Variants in EPHB2 observed in about 807,000 individuals in gnomAD.
The protein encoded by EPHB2 is EPH receptor B2.
In EPHB2, 18 loss-of-function variants were observed where a neutral mutation model predicts 96.4. The ratio of observed to expected loss-of-function variants is 0.19; its 90% CI spans 0.13 to 0.28. The LOEUF (loss-of-function observed/expected upper bound fraction) is 0.28. Among genes scored for constraint, EPHB2 ranks in the 10% least tolerant of loss-of-function variants. The pLI, the probability that EPHB2 is intolerant of heterozygous loss-of-function variation, is 1.00. For missense variants in EPHB2, 989 were observed against 1,355.4 expected, an observed-to-expected ratio of 0.73 and a Z score of 4.25; for synonymous variants, 506 against 534.1, an observed-to-expected ratio of 0.95 and a Z score of 0.72.
In EPHB2 at chr1:22,863,094, C is replaced by T; in HGVS notation, c.869C>T (p.Pro290Leu). ...NQGDEACTHC[P>L]INSRTTSEGA... ...GGGGATGAGGCCTGTACCCACTGTC[C>T]CATCAACAGCCGGACCACTTCTGAA... Residue 290 changes from proline to leucine, a missense_variant, in exon 4 of 16, where the codon CCC becomes CTC. Transcript: ENST00000374630. 1 of 1,614,182 alleles carries T rather than the reference C, an allele frequency of 6.2e-7. No homozygotes were observed. The highest frequency in any genetic ancestry group is 1.6e-4 in the Middle Eastern group (1 of 6,062).
intron 1 of EPHB2, among the ~76,000 whole-genome samples, chr1:22,763,852 C>T (rs1407044103): frequency 6.6e-6 from 1 of 152,152 alleles, no homozygotes; most frequent in Non-Finnish European, 1.5e-5. Context: ...TGTCCTTGCC[C>T]TTTCTAGAGA....
intron 5 of EPHB2, among the ~76,000 whole-genome samples, chr1:22,867,247 T>C (rs1449399190): frequency 6.6e-6 from 1 of 152,228 alleles, no homozygotes; most frequent in East Asian, 1.9e-4. Context: ...TTGGTGAACA[T>C]GTGTTTACAA....
Position 22,906,099 on chromosome 1 carries a change from G to T in EPHB2, c.1878G>T (p.Val626=). Residue 626 remains valine (V), a synonymous_variant, in exon 10 of 16, where the codon GTG becomes GTT. Coordinates refer to ENST00000374630, the MANE Select transcript of EPHB2 (RefSeq NM_017449.5). This position sits in a 1 kb window ranked among gnomAD's most constrained non-coding sequence, Gnocchi z 4.8. ...IDISCVKIEQ[V]IGAGEFGEVC... is the part of the protein sequence containing the mutation. ...TCTCCTGTGTCAAAATTGAGCAGGT[G>T]ATCGGAGCAGGTAGGTGGCTGGTAC... The T allele has an allele frequency of 1.2e-6, 2 of 1,614,208 alleles. No homozygotes were observed. The highest frequency in any genetic ancestry group is 1.7e-6 in the Non-Finnish European group (2 of 1,180,042).
At chr1:22,895,618 C>T in intron 8 of EPHB2, 38 bp downstream of exon 8, 1 of 1,568,488 alleles carries the variant, frequency 6.4e-7, no homozygotes, top group Non-Finnish European at 8.8e-7. Context: ...GCCTGGCTGT[C>T]CCAGATGGCT....
rs58906622 is a variant in EPHB2, at chr1:22,910,618, T to TGCCCCAGCCAGG, written c.2696+43_2696+44insGCCCCAGCCAGG. ...CCCTGCCCCAGCCAGGCCCTGCCCC[T>TGCCCCAGCCAGG]CTTCCCGTCTCCCATCCCTTCTGCC... is the stretch of plus-strand genomic sequence containing the variant. On this transcript the variant is annotated intron_variant, in intron 14 of 15. Coordinates refer to ENST00000374630, the MANE Select transcript of EPHB2 (RefSeq NM_017449.5). 5 of 1,605,570 alleles carry TGCCCCAGCCAGG rather than the reference T, an allele frequency of 3.1e-6. No homozygotes were observed. In the African/African-American group the frequency reaches 5.4e-5, roughly 17 times the overall value.
intron 1 of EPHB2, among the ~76,000 whole-genome samples, chr1:22,771,459 C>T (rs1413787762): frequency 1.3e-5 from 2 of 152,138 alleles, no homozygotes; most frequent in African/African-American, 4.8e-5. Flanking sequence ...GTCCAGTGGG[C>T]AGAGGGGAGA....
At chr1:22,808,561 G>A (rs1458743135) in intron 3 of EPHB2, among the ~76,000 whole-genome samples, 3 of 152,228 alleles carry the variant, frequency 2.0e-5, no homozygotes, top group Admixed American at 1.3e-4. Context: ...GCAGAGTCAA[G>A]TCCAATGCTC....
At chr1:22,793,726 G>A (rs941580169) in intron 3 of EPHB2, among the ~76,000 whole-genome samples, 2 of 152,074 alleles carry the variant, frequency 1.3e-5, no homozygotes, top group Non-Finnish European at 2.9e-5. Flanking sequence ...TGTGTGTCCC[G>A]CACTGTGGTA....
Position 22,906,800 on chromosome 1 carries a change from C to A in EPHB2, c.1979C>A (p.Thr660Lys). The change falls in exon 11 of 16, where the codon ACG (threonine) becomes AAG (lysine). Residue 660 changes from threonine to lysine, a missense_variant. Coordinates refer to ENST00000374630, the MANE Select transcript of EPHB2 (RefSeq NM_017449.5). The surrounding 1 kb of genome is among the most constrained non-coding windows in gnomAD (Gnocchi z 4.8). Reference protein sequence around the residue: ...VAIKTLKSGYTEKQRRDFLSE... With the variant: ...VAIKTLKSGYKEKQRRDFLSE... ...ATCAAGACGCTCAAGTCGGGCTACA[C>A]GGAGAAGCAGCGCCGGGACTTCCTG... 2 of 1,614,192 alleles carry A rather than the reference C, an allele frequency of 1.2e-6. No homozygotes were observed. Among genetic ancestry groups the A allele is most frequent in the Admixed American group, 1.7e-5 (1 of 60,020 alleles).
intron 9 of EPHB2, among the ~76,000 whole-genome samples, chr1:22,900,235 A>C (rs1198891454): frequency 6.6e-6 from 1 of 152,138 alleles, no homozygotes; most frequent in African/African-American, 2.4e-5. Flanking sequence ...CGAAGGTTGC[A>C]GTGAGCTGAG....
chr1:22,758,705 G>A (rs567804314), intron 1 of EPHB2, among the ~76,000 whole-genome samples: 4 of 151,782 alleles, frequency 2.6e-5, no homozygotes, highest in Non-Finnish European at 5.9e-5. Context: ...TTTCCCTCTC[G>A]GTGACACAGT....
intron 1 of EPHB2, among the ~76,000 whole-genome samples, chr1:22,746,908 TCCC>T: frequency 6.6e-6 from 1 of 152,252 alleles, no homozygotes; most frequent in African/African-American, 2.4e-5. Context: ...AGCCTTGCTT[TCCC>T]CATTCCTGGA....
At chr1:22,747,183 A>G (rs80321741) in intron 1 of EPHB2, among the ~76,000 whole-genome samples, 9,560 of 152,214 alleles carry the variant, frequency 0.063, 840 homozygotes, top group African/African-American at 0.19. Flanking sequence ...CAGTCACCGG[A>G]CTGAGGGCCC....
chr1:22,876,472 C>G (rs1423375287), intron 5 of EPHB2, among the ~76,000 whole-genome samples: 1 of 152,110 alleles, frequency 6.6e-6, no homozygotes. Context: ...CTGAACTCCC[C>G]TCTGGGGTTC....
chr1:22,873,797 C>T (rs1486831710), intron 5 of EPHB2, among the ~76,000 whole-genome samples: 3 of 152,136 alleles, frequency 2.0e-5, no homozygotes, highest in East Asian at 1.9e-4. Flanking sequence ...AGGGTAGGGC[C>T]CTCCCTTTTA....
intron 3 of EPHB2, among the ~76,000 whole-genome samples, chr1:22,832,095 A>G (rs1020711207): frequency 1.3e-5 from 2 of 152,268 alleles, no homozygotes; most frequent in African/African-American, 2.4e-5. Flanking sequence ...AGCGGGGAAT[A>G]GGGAGAGCGA....
At chr1:22,909,792 G>A (rs957366695) in intron 13 of EPHB2, among the ~76,000 whole-genome samples, 1 of 152,164 alleles carries the variant, frequency 6.6e-6, no homozygotes, top group Admixed American at 6.5e-5. Context: ...CAGGGAGGGT[G>A]ACCCACAGTT....
At chr1:22,848,729 A>G (rs541157585) in intron 3 of EPHB2, among the ~76,000 whole-genome samples, 4 of 152,178 alleles carry the variant, frequency 2.6e-5, no homozygotes, top group Non-Finnish European at 5.9e-5. Context: ...TGTATTTCCT[A>G]ATCCCTTCTC....
chr1:22,722,439 T>C (rs1643488613), intron 1 of EPHB2, among the ~76,000 whole-genome samples: 1 of 152,230 alleles, frequency 6.6e-6, no homozygotes, highest in African/African-American at 2.4e-5. Flanking sequence ...AGCAAGGGTA[T>C]TGTTAGCACC....
Sources: allele counts gnomAD v4.1 joint callset (sites outside exome capture counted in the v4.1 genomes callset), GRCh38; gene constraint gnomAD v4.1.1; non-coding constraint Gnocchi (gnomAD v3.1); transcripts MANE v1.5; gene names NCBI Gene and HGNC (gene_info 2026-07-23, HGNC 2026-07-21).